The following LYPLAL1 variants were observed in gnomAD, a reference collection of about 807,000 sequenced individuals.
LYPLAL1 encodes lysophospholipase-like protein 1.
Under a neutral mutation model 19.7 loss-of-function variants are expected in LYPLAL1, and 23 were observed. The ratio of observed to expected loss-of-function variants is 1.17; its 90% confidence interval spans 0.84 to 1.65. The LOEUF (loss-of-function observed/expected upper bound fraction) is 1.65. LYPLAL1 is among the 40% of genes most tolerant of loss of function. The probability of loss-of-function intolerance (pLI) is 0.00; values close to 1 mark genes in which losing one functional copy is unlikely to be tolerated. For missense variants in LYPLAL1, 355 were observed against 279.4 expected (o/e 1.27, Z -1.93); for synonymous variants, 119 against 96.3 (o/e 1.24, Z -1.38).
the LYPLAL1 span, among the ~76,000 whole-genome samples, chr1:219,307,768 A>T: frequency 6.6e-6 from 1 of 152,180 alleles, no homozygotes; most frequent in African/African-American, 2.4e-5. Context: ...ATGGTAGTGA[A>T]CAAGTCTCAT....
chr1:219,417,658 G>C, the LYPLAL1 span, among the ~76,000 whole-genome samples: 1 of 152,240 alleles, frequency 6.6e-6, no homozygotes, highest in African/African-American at 2.4e-5. Context: ...AAAGTCTTGA[G>C]AGTTTTAAAT....
intron 3 of LYPLAL1, among the ~76,000 whole-genome samples, chr1:219,209,594 TCTA>T (rs1028415600): frequency 1.3e-5 from 2 of 152,166 alleles, no homozygotes; most frequent in African/African-American, 4.8e-5. Context: ...AGATTTGAAT[TCTA>T]CTTCAAAGTA....
At chr1:219,226,005 C>A in the LYPLAL1 span, among the ~76,000 whole-genome samples, 7 of 152,180 alleles carry the variant, frequency 4.6e-5, no homozygotes, top group Admixed American at 1.3e-4. Flanking sequence ...ACGTTTTAGA[C>A]ACAAGTTTTG....
At chr1:219,219,079 G>A in the LYPLAL1 span, among the ~76,000 whole-genome samples, 61 of 152,292 alleles carry the variant, frequency 4.0e-4, no homozygotes, top group African/African-American at 1.4e-3. Context: ...GTCTAGGACA[G>A]TGTTGCCATT....
chr1:219,431,044 C>T, the LYPLAL1 span, among the ~76,000 whole-genome samples: 1 of 152,096 alleles, frequency 6.6e-6, no homozygotes, highest in African/African-American at 2.4e-5. Context: ...TTAAGAGATA[C>T]TTAAAGACAC....
chr1:219,211,380 A>G (rs576600451), intron 4 of LYPLAL1, 112 bp from the exon 5 acceptor site: 8 of 747,684 alleles, frequency 1.1e-5, no homozygotes, highest in Middle Eastern at 4.0e-4. Flanking sequence ...TTTTTTTCCC[A>G]TTAGTTATTG....
intron 4 of LYPLAL1, among the ~76,000 whole-genome samples, chr1:219,211,011 C>T (rs1338180588): frequency 6.6e-6 from 1 of 152,100 alleles, no homozygotes; most frequent in Non-Finnish European, 1.5e-5. Context: ...AATTACATAG[C>T]ACATACTTAT....
the LYPLAL1 span, among the ~76,000 whole-genome samples, chr1:219,291,742 A>G: frequency 6.6e-6 from 1 of 152,092 alleles, no homozygotes; most frequent in Non-Finnish European, 1.5e-5. Flanking sequence ...TAGTAATTAA[A>G]ATCACCTGTC....
At chr1:219,268,393 G>C in the LYPLAL1 span, among the ~76,000 whole-genome samples, 1 of 152,184 alleles carries the variant, frequency 6.6e-6, no homozygotes. Context: ...CTAGCACAAA[G>C]GTGCTAAGGC....
At chr1:219,268,091 G>A in the LYPLAL1 span, among the ~76,000 whole-genome samples, 23 of 152,262 alleles carry the variant, frequency 1.5e-4, no homozygotes, top group South Asian at 1.7e-3. Context: ...TATAGGTATG[G>A]CAGTGAGCAA....
the LYPLAL1 span, among the ~76,000 whole-genome samples, chr1:219,376,023 G>A: frequency 2.0e-5 from 3 of 152,148 alleles, no homozygotes; most frequent in African/African-American, 7.2e-5. Flanking sequence ...TTACAGCCGT[G>A]AGCCACTGCA....
At chr1:219,445,085 G>A in the LYPLAL1 span, among the ~76,000 whole-genome samples, 21 of 151,734 alleles carry the variant, frequency 1.4e-4, no homozygotes, top group Non-Finnish European at 2.9e-4. Context: ...AAAAAACAAG[G>A]ACTTTCAGTT....
At chr1:219,227,425 C>T in the LYPLAL1 span, among the ~76,000 whole-genome samples, 15 of 152,150 alleles carry the variant, frequency 9.9e-5, no homozygotes, top group African/African-American at 3.6e-4. Context: ...GGGCTTCTTC[C>T]TACTTATAAG....
the LYPLAL1 span, among the ~76,000 whole-genome samples, chr1:219,240,107 G>A: frequency 6.6e-6 from 1 of 152,202 alleles, no homozygotes; most frequent in African/African-American, 2.4e-5. Flanking sequence ...CACTACAGTT[G>A]TATGTCTGTG....
At chr1:219,233,771 C>CAA in the LYPLAL1 span, among the ~76,000 whole-genome samples, 168 of 146,510 alleles carry the variant, frequency 1.1e-3, no homozygotes, top group Admixed American at 4.1e-3. Context: ...GACCCTGTCT[C>CAA]AAAAAAAAAA....
At chr1:219,414,752 A>G in the LYPLAL1 span, among the ~76,000 whole-genome samples, 4 of 152,206 alleles carry the variant, frequency 2.6e-5, no homozygotes, top group Non-Finnish European at 5.9e-5. Context: ...TGAAGGACCA[A>G]TTCAAAAGTC....
chr1:219,224,183 T>C, the LYPLAL1 span, among the ~76,000 whole-genome samples: 7 of 152,176 alleles, frequency 4.6e-5, no homozygotes, highest in Admixed American at 6.5e-5. Context: ...TTCTCGATTA[T>C]GTAACAAGAA....
intron 2 of LYPLAL1, among the ~76,000 whole-genome samples, chr1:219,190,517 A>C (rs1453760244): frequency 2.0e-5 from 3 of 151,154 alleles, no homozygotes; most frequent in African/African-American, 7.3e-5. Flanking sequence ...ACTATATATA[A>C]AAAATGTATG....
At chr1:219,334,487 C>T in the LYPLAL1 span, among the ~76,000 whole-genome samples, 2 of 150,898 alleles carry the variant, frequency 1.3e-5, no homozygotes, top group African/African-American at 4.9e-5. Context: ...ACTTTTCCAG[C>T]ATAAATGACA....
Sources: gnomAD v4.1 joint callset for allele counts (sites outside exome capture counted in the v4.1 genomes callset) on GRCh38, gnomAD v4.1.1 for gene constraint, MANE v1.5 for transcripts, NCBI Gene and HGNC (gene_info 2026-07-23, HGNC 2026-07-21) for gene names.